DOCK4: variants seen among roughly 807,000 people sequenced by gnomAD.
The protein encoded by DOCK4 is dedicator of cytokinesis 4.
In DOCK4, 97 loss-of-function variants were observed where a neutral mutation model predicts 268.1. The observed-to-expected ratio is 0.36, with a 90% confidence interval of 0.31 to 0.43. The LOEUF (loss-of-function observed/expected upper bound fraction) is 0.43. Ranked by LOEUF, DOCK4 falls within the 20% of genes least tolerant of loss-of-function variation. The pLI is 1.00. For missense variants in DOCK4, 2,145 were observed against 2,455.7 expected (o/e 0.87, Z 2.67); for synonymous variants, 954 against 887.2 (o/e 1.08, Z -1.34).
chr7:112,061,455 C>T (rs755339236), intron 1 of DOCK4, among the ~76,000 whole-genome samples: 8 of 152,044 alleles, frequency 5.3e-5, no homozygotes, highest in Non-Finnish European at 1.2e-4. Context: ...AAGACAGATG[C>T]CCAGGAGCAA....
rs1480248553 is a variant in DOCK4 at position 111,758,720 on chromosome 7, G to C, written c.4233C>G (p.Asp1411Glu). ...TCACTTTATAGAAGCTTTTGATGTT[G>C]TCCGGAACACCCTCTCTCTGCAGGA... Reference protein sequence around the residue: ...QEVLQREGVPDNIKSFYKVNH... With the variant: ...QEVLQREGVPENIKSFYKVNH... Residue 1411 changes from aspartate (D) to glutamate (E), a missense_variant, in exon 41 of 53, where the codon GAC becomes GAG. By Grantham distance (45) the Asp-to-Glu change is conservative. Transcript: ENST00000428084. 6.2e-7 allele frequency: 1 copy of C among 1,613,802 alleles called. No individual in the cohort carries two copies. Among genetic ancestry groups the C allele is most frequent in the Admixed American group, 1.7e-5 (1 of 59,998 alleles).
At chr7:111,935,070 C>A (rs1794616769) in intron 12 of DOCK4, among the ~76,000 whole-genome samples, 1 of 151,680 alleles carries the variant, frequency 6.6e-6, no homozygotes, top group South Asian at 2.1e-4. Context: ...TCTCAACCTC[C>A]CGAGTAGCTG....
At chr7:111,831,856 C>A (rs1348560850) in intron 26 of DOCK4, among the ~76,000 whole-genome samples, 1 of 152,186 alleles carries the variant, frequency 6.6e-6, no homozygotes, top group Non-Finnish European at 1.5e-5. Flanking sequence ...TCTCTCCCTT[C>A]TTAAAACAAT....
intron 1 of DOCK4, among the ~76,000 whole-genome samples, chr7:112,053,210 C>T (rs576474821): frequency 2.6e-5 from 4 of 152,180 alleles, no homozygotes; most frequent in Admixed American, 2.0e-4. Context: ...TGGCCACATG[C>T]AAGACCTTGG....
intron 1 of DOCK4, among the ~76,000 whole-genome samples, chr7:112,082,340 C>A (rs1752231404): frequency 6.6e-6 from 1 of 152,038 alleles, no homozygotes; most frequent in South Asian, 2.1e-4. Context: ...ATTTGTGGGT[C>A]TGAACAATTA....
chr7:111,739,853 T>C (rs1795781803), intron 47 of DOCK4: 1 of 315,426 alleles, frequency 3.2e-6, no homozygotes, highest in Non-Finnish European at 6.2e-6. Flanking sequence ...GTTCAAAGCA[T>C]GAATTTGGAA....
intron 23 of DOCK4, among the ~76,000 whole-genome samples, chr7:111,859,858 C>T (rs897693460): frequency 1.3e-4 from 20 of 152,176 alleles, no homozygotes; most frequent in South Asian, 2.1e-4. Flanking sequence ...TGAGCCACCG[C>T]GCCCGGCCGT....
At chr7:111,758,819 T>G in intron 40 of DOCK4, 29 bp from the exon 41 acceptor site, 3 of 1,610,592 alleles carry the variant, frequency 1.9e-6, no homozygotes, top group Non-Finnish European at 2.5e-6. Flanking sequence ...GGAGAGAACC[T>G]GACTTGGCAA....
chr7:112,161,267 C>T (rs1381596565), intron 1 of DOCK4, among the ~76,000 whole-genome samples: 1 of 152,098 alleles, frequency 6.6e-6, no homozygotes, highest in Admixed American at 6.5e-5. Flanking sequence ...TTAAAACTTG[C>T]TGCACTTGTT....
intron 1 of DOCK4, among the ~76,000 whole-genome samples, chr7:112,152,605 C>G (rs1586930760): frequency 2.0e-5 from 3 of 152,194 alleles, no homozygotes; most frequent in Admixed American, 2.0e-4. Flanking sequence ...AAAACAAACT[C>G]ATCCACCATT....
At chr7:111,983,858 G>GCACACACACACACACACACACACACA (rs1300676029) in intron 7 of DOCK4, among the ~76,000 whole-genome samples, 9 of 90,020 alleles carry the variant, frequency 1.0e-4, no homozygotes, top group African/African-American at 2.9e-4. Context: ...GCGCGCGCGC[G>GCACACACACACACACACACACACACA]CGCGCACACA....
chr7:111,873,138 T>G (rs570194558), intron 17 of DOCK4, among the ~76,000 whole-genome samples: 144 of 152,296 alleles, frequency 9.5e-4, no homozygotes, highest in Non-Finnish European at 1.8e-3. Context: ...CAGGGAGCTC[T>G]CAACCTGAGA....
intron 23 of DOCK4, among the ~76,000 whole-genome samples, chr7:111,858,658 A>G (rs1805216486): frequency 6.6e-6 from 1 of 152,168 alleles, no homozygotes; most frequent in African/African-American, 2.4e-5. Flanking sequence ...TTGGTCTCAG[A>G]CTGAAACTAT....
intron 1 of DOCK4, among the ~76,000 whole-genome samples, chr7:112,113,862 G>T (rs116126704): frequency 0.022 from 3,205 of 144,480 alleles, 102 homozygotes; most frequent in African/African-American, 0.076. Context: ...CCAAAGTACT[G>T]GGAATACAGG....
intron 8 of DOCK4, among the ~76,000 whole-genome samples, chr7:111,961,426 T>C (rs1796884944): frequency 6.6e-6 from 1 of 152,214 alleles, no homozygotes; most frequent in Non-Finnish European, 1.5e-5. Flanking sequence ...CTTACCATGC[T>C]TTCATAGTGA....
intron 2 of DOCK4, among the ~76,000 whole-genome samples, chr7:112,002,203 A>G (rs59963831): frequency 0.057 from 8,629 of 152,258 alleles, 481 homozygotes; most frequent in East Asian, 0.19. Context: ...GGAGAGCAGA[A>G]TGAACTGAAA....
At chr7:111,823,231 G>A (rs1264961427) in intron 26 of DOCK4, among the ~76,000 whole-genome samples, 4 of 122,270 alleles carry the variant, frequency 3.3e-5, no homozygotes, top group Non-Finnish European at 6.1e-5. Context: ...TTTTTTAGAC[G>A]GAGTCTTGCT....
intron 36 of DOCK4, among the ~76,000 whole-genome samples, chr7:111,775,864 A>G (rs899402426): frequency 2.0e-5 from 3 of 152,144 alleles, no homozygotes; most frequent in African/African-American, 7.2e-5. Flanking sequence ...ATGAAGAGAG[A>G]GGATCAAGCC....
intron 1 of DOCK4, among the ~76,000 whole-genome samples, chr7:112,114,677 G>T (rs1811962509): frequency 6.6e-6 from 1 of 152,154 alleles, no homozygotes; most frequent in African/African-American, 2.4e-5. Flanking sequence ...AAAAAGATGT[G>T]AACCCGAGGG....
Sources: gnomAD v4.1 joint callset for allele counts (sites outside exome capture counted in the v4.1 genomes callset) on GRCh38, gnomAD v4.1.1 for gene constraint, MANE v1.5 for transcripts, NCBI Gene and HGNC (gene_info 2026-07-23, HGNC 2026-07-21) for gene names.